Variants in HSPA4 observed in about 807,000 individuals in gnomAD.
The protein encoded by HSPA4 is heat shock protein family A (Hsp70) member 4.
A neutral mutation model predicts 106.2 loss-of-function variants in HSPA4; 25 were observed. The ratio of observed to expected loss-of-function variants is 0.24; its 90% CI spans 0.17 to 0.33. The LOEUF (loss-of-function observed/expected upper bound fraction) is 0.33. Among genes scored for constraint, HSPA4 ranks in the 10% least tolerant of loss-of-function variants. The probability of loss-of-function intolerance (pLI) is 1.00; values close to 1 mark genes in which losing one functional copy is unlikely to be tolerated. For synonymous variants in HSPA4, 332 were observed against 333.6 expected (o/e 1.00, Z 0.05); for missense variants, 841 against 996.0 (o/e 0.84, Z 2.10).
chr5:133,059,135 GTAATAA>G (rs931691958), intron 1 of HSPA4, among the ~76,000 whole-genome samples: 2 of 137,036 alleles, frequency 1.5e-5, no homozygotes, highest in Admixed American at 7.3e-5. Context: ...CTCAAAAATA[GTAATAA>G]TAATAATAAT....
rs1765557202 is a variant in HSPA4 at position 133,084,765 on chromosome 5, C to A, written c.909-2017C>A. ...GTTTACAGGCATGAGCCACCGCACC[C>A]AGCCTACTATTCTTTTTTATTGAGA... On this transcript the variant is annotated intron_variant, in intron 7 of 18. Transcript: ENST00000304858. Among the ~76,000 whole-genome samples the A allele has an allele frequency of 2.0e-5, 3 of 152,150 alleles. No individual in the cohort carries two copies. The South Asian group carries it at 6.2e-4, about 32-fold the overall frequency.
rs58722769 is a variant in HSPA4 at position 133,053,328 on chromosome 5, C to CTTTTTTTTT, written c.107+982_107+990dup. Among the ~76,000 whole-genome samples, 45 of 129,232 alleles carry CTTTTTTTTT rather than the reference C, an allele frequency of 3.5e-4. 1 individual carries two copies. Among genetic ancestry groups the CTTTTTTTTT allele is most frequent in the Non-Finnish European group, 4.6e-4 (29 of 62,656 alleles). 84.8% of individuals were successfully genotyped at this position (129,232 alleles called of 152,430 possible). ...TTATTTGCCATTCAGGGTCTCTCTTCTTTTTTTTTTTTTTTTTTTCTTTTT... is the reference window on the plus strand; with the variant it reads ...TTATTTGCCATTCAGGGTCTCTCTTCTTTTTTTTTTTTTTTTTTTTTTTTTTTTCTTTTT... On this transcript the variant is annotated intron_variant, in intron 1 of 18. Coordinates refer to ENST00000304858, the MANE Select transcript of HSPA4 (RefSeq NM_002154.4).
chr5:133,064,930 TTTA>T (rs777014539), intron 1 of HSPA4, 47 bp from the exon 2 acceptor site: 8 of 1,470,664 alleles, frequency 5.4e-6, no homozygotes, highest in Non-Finnish European at 6.6e-6. Flanking sequence ...TGCTTTTGGA[TTTA>T]TTATTGTAGT....
At chr5:133,072,062 CGTAA>C (rs1342173415) in intron 4 of HSPA4, among the ~76,000 whole-genome samples, 1 of 152,020 alleles carries the variant, frequency 6.6e-6, no homozygotes, top group Non-Finnish European at 1.5e-5. Flanking sequence ...TATTGGAATG[CGTAA>C]GTGTCTTCCA....
At chr5:133,074,454 T>C (rs1427877715) in intron 6 of HSPA4, among the ~76,000 whole-genome samples, 1 of 152,168 alleles carries the variant, frequency 6.6e-6, no homozygotes, top group Non-Finnish European at 1.5e-5. Flanking sequence ...AATTTTGTAT[T>C]TTTAGTAGAG....
intron 1 of HSPA4, among the ~76,000 whole-genome samples, chr5:133,060,543 A>G (rs1242708862): frequency 1.3e-5 from 2 of 151,950 alleles, no homozygotes; most frequent in African/African-American, 2.4e-5. Context: ...TTGTATTTTT[A>G]GTAGAGACGG....
Position 133,103,981 on chromosome 5 carries a change from C to T in HSPA4, c.2274C>T (p.Thr758=), listed in dbSNP as rs775552947. 30 of 1,613,602 alleles carry T rather than the reference C, an allele frequency of 1.9e-5. No homozygotes were observed. In the East Asian group the frequency reaches 2.2e-4, roughly 12 times the overall value. ...ATCTGCAGAACAAGCAGAGTTTGAC[C>T]ATGGATCCAGTTGTCAAGTCAAAAG... ...KLNLQNKQSL[T]MDPVVKSKEI... The change falls in exon 18 of 19, where the codon ACC becomes ACT. Residue 758 remains threonine (T), a synonymous_variant. Transcript: ENST00000304858.
chr5:133,076,969 C>T, intron 7 of HSPA4, 71 bp downstream of exon 7: 1 of 1,287,156 alleles, frequency 7.8e-7, no homozygotes, highest in Non-Finnish European at 1.1e-6. Flanking sequence ...CTTTAATTGG[C>T]TAATTGTTAA....
chr5:133,092,413 T>C (rs1465283073), intron 12 of HSPA4, among the ~76,000 whole-genome samples: 1 of 152,222 alleles, frequency 6.6e-6, no homozygotes, highest in Non-Finnish European at 1.5e-5. Context: ...TGATGCCACA[T>C]TGTGAACTGT....
At chr5:133,057,557 T>C (rs547366269) in intron 1 of HSPA4, among the ~76,000 whole-genome samples, 1 of 152,274 alleles carries the variant, frequency 6.6e-6, no homozygotes, top group African/African-American at 2.4e-5. Flanking sequence ...ACTATACCTT[T>C]TAAAGGACCT....
chr5:133,086,396 A>G (rs1334654723), intron 7 of HSPA4, among the ~76,000 whole-genome samples: 1 of 152,088 alleles, frequency 6.6e-6, no homozygotes, highest in African/African-American at 2.4e-5. Context: ...ATGTGTTGTG[A>G]TATGTATTAG....
chr5:133,074,263 CT>C (rs1765420635), intron 6 of HSPA4, 137 bp downstream of exon 6: 1 of 462,372 alleles, frequency 2.2e-6, no homozygotes, highest in African/African-American at 2.1e-5. Flanking sequence ...GATTTTTTTT[CT>C]TTTCTTTCTT....
rs1765854579 is a variant in HSPA4 at position 133,106,101 on chromosome 5, A to AT, written c.*1665_*1666insT. On this transcript the variant is annotated 3_prime_UTR_variant, in exon 19 of 19. Transcript: ENST00000304858. ...GGCCATTTCTTCTTAAAAAAAAAAA[A>AT]ATTTTTTTTTTTTTTTTTTTTTTTT... The AT allele has an allele frequency of 2.0e-3, 162 of 80,220 alleles. 1 individual carries two copies. The highest frequency in any genetic ancestry group is 2.5e-3 in the African/African-American group (50 of 19,852). 5.0% of individuals were successfully genotyped at this position (80,220 alleles called of 1,614,324 possible).
Position 133,106,368 on chromosome 5 carries a change from G to T in HSPA4, c.*1932G>T, listed in dbSNP as rs1298803232. ...CTGATTTGTTAAAGCTCCAGGTCACGTTCTTACACTAAGAAAATCATTCAG... is the reference window on the plus strand; with the variant it reads ...CTGATTTGTTAAAGCTCCAGGTCACTTTCTTACACTAAGAAAATCATTCAG... On this transcript the variant is annotated 3_prime_UTR_variant, in exon 19 of 19. Coordinates refer to ENST00000304858, the MANE Select transcript of HSPA4 (RefSeq NM_002154.4). 6.6e-6 allele frequency: 1 copy of T among 151,536 alleles called. No individual in the cohort carries two copies. Among genetic ancestry groups the T allele is most frequent in the Non-Finnish European group, 1.5e-5 (1 of 67,904 alleles). 9.4% of individuals were successfully genotyped at this position (151,536 alleles called of 1,614,324 possible).
intron 4 of HSPA4, among the ~76,000 whole-genome samples, chr5:133,071,875 A>C (rs912111046): frequency 5.9e-5 from 9 of 152,212 alleles, no homozygotes; most frequent in Non-Finnish European, 8.8e-5. Flanking sequence ...TAAAAAGCTC[A>C]GATTCAGTGA....
At chr5:133,104,067 C>G in intron 18 of HSPA4, 41 bp downstream of exon 18, 3 of 1,539,846 alleles carry the variant, frequency 1.9e-6, no homozygotes, top group African/African-American at 2.7e-5. Flanking sequence ...TCTTGACAGC[C>G]TTATTATTAA....
At chr5:133,067,663 A>C (rs1352424291) in intron 3 of HSPA4, 106 bp downstream of exon 3, 5 of 1,013,520 alleles carry the variant, frequency 4.9e-6, no homozygotes, top group Non-Finnish European at 7.2e-6. Context: ...GAAAATGCTT[A>C]CAGTTGCTTA....
At chr5:133,062,259 TCAG>T (rs1181779454) in intron 1 of HSPA4, among the ~76,000 whole-genome samples, 1 of 152,202 alleles carries the variant, frequency 6.6e-6, no homozygotes, top group Non-Finnish European at 1.5e-5. Context: ...AATTAACCCT[TCAG>T]CAGGATTTGC....
chr5:133,075,094 G>T (rs938236616), intron 6 of HSPA4, among the ~76,000 whole-genome samples: 1 of 152,108 alleles, frequency 6.6e-6, no homozygotes, highest in Non-Finnish European at 1.5e-5. Flanking sequence ...TTGAAAAATA[G>T]ACGTTTCCAC....
Sources: allele counts gnomAD v4.1 joint callset (sites outside exome capture counted in the v4.1 genomes callset), GRCh38; gene constraint gnomAD v4.1.1; transcripts MANE v1.5; gene names NCBI Gene and HGNC (gene_info 2026-07-23, HGNC 2026-07-21).